ALMS1: variants seen among roughly 807,000 people sequenced by gnomAD.
ALMS1 encodes centrosome-associated protein ALMS1.
ALMS1 carries 271 observed loss-of-function variants against 352.2 expected under a neutral mutation model. That is an observed-to-expected ratio of 0.77 (90% CI 0.70 to 0.85). The LOEUF (loss-of-function observed/expected upper bound fraction) is 0.85. ALMS1 is among the 40% of genes least tolerant of loss of function. The probability of loss-of-function intolerance (pLI) is 0.00; values close to 1 mark genes in which losing one functional copy is unlikely to be tolerated. For missense variants in ALMS1, 5,445 were observed against 4,870.7 expected, an observed-to-expected ratio of 1.12 and a Z score of -3.51; for synonymous variants, 1,865 against 1,761.2, an observed-to-expected ratio of 1.06 and a Z score of -1.48.
At chr2:73,595,138 G>A (rs1307736261) in intron 16 of ALMS1, among the ~76,000 whole-genome samples, 1 of 152,204 alleles carries the variant, frequency 6.6e-6, no homozygotes, top group Non-Finnish European at 1.5e-5. Flanking sequence ...TTGATCAAGA[G>A]TGTCCTTCCT....
intron 21 of ALMS1, chr2:73,603,608 C>G (rs1675749239): frequency 2.7e-6 from 1 of 366,042 alleles, no homozygotes; most frequent in Admixed American, 3.8e-5. Context: ...GCCTGTAATC[C>G]CAGCACTTAG....
intron 2 of ALMS1, among the ~76,000 whole-genome samples, chr2:73,414,473 G>GTTTTTTTTTTTTTTT (rs61660489): frequency 4.5e-5 from 3 of 66,416 alleles, no homozygotes; most frequent in African/African-American, 4.3e-5. Context: ...CTTTTTTTCC[G>GTTTTTTTTTTTTTTT]TTTTTTTTTT....
intron 1 of ALMS1, among the ~76,000 whole-genome samples, chr2:73,406,543 T>G (rs1670977000): frequency 6.6e-6 from 1 of 152,104 alleles, no homozygotes; most frequent in South Asian, 2.1e-4. Flanking sequence ...GGATATATTT[T>G]GATTCTCTTA....
rs201724354 is a variant in ALMS1, at chr2:73,450,210, A to G, written c.3683A>G (p.Lys1228Arg). The change falls in exon 8 of 23, where the codon AAG becomes AGG. Residue 1228 changes from lysine (K) to arginine (R), a missense_variant. Lys to Arg is a conservative substitution (Grantham distance 26, BLOSUM62 2). Transcript: ENST00000613296. ...VSPVLGPADQ[K>R]TGTPTPTSAS... ...CCTGTTCTTGGACCAGCTGACCAGA[A>G]GACTGGGACACCAACTCCAACCTCT... 1.2e-6 allele frequency: 2 copies of G among 1,614,068 alleles called. No individual in the cohort carries two copies. Among genetic ancestry groups the G allele is most frequent in the African/African-American group, 2.7e-5 (2 of 75,028 alleles).
chr2:73,519,470 C>G lies in ALMS1; in HGVS notation c.9540-305C>G, dbSNP rs115031007. On this transcript the variant is annotated intron_variant, in intron 10 of 22. Transcript: ENST00000613296. ...CAGTCCCCTAATTTATGGTGGACAT[C>G]TAGTAATTTAAAAAAATGTATTTTC... is the stretch of plus-strand genomic sequence containing the variant. Among the ~76,000 whole-genome samples the G allele has an allele frequency of 0.014, 2,157 of 152,160 alleles. 46 individuals carry two copies. The highest frequency in any genetic ancestry group is 0.05 in the African/African-American group (2,065 of 41,520).
intron 18 of ALMS1, 82 bp from the exon 19 acceptor site, chr2:73,601,113 A>T: frequency 1.9e-6 from 3 of 1,599,634 alleles, no homozygotes; most frequent in Non-Finnish European, 2.6e-6. Flanking sequence ...AACCTGTATT[A>T]TATGCATATC....
intron 6 of ALMS1, 65 bp from the exon 7 acceptor site, chr2:73,432,133 G>T: frequency 8.4e-7 from 1 of 1,186,808 alleles, no homozygotes; most frequent in Non-Finnish European, 1.3e-6. Flanking sequence ...TCGTAGGTGG[G>T]TCATTCTAAT....
chr2:73,491,612 G>GAAATCACACAGTGGTA, intron 10 of ALMS1, 114 bp downstream of exon 10: 1 of 1,132,078 alleles, frequency 8.8e-7, no homozygotes. Flanking sequence ...TCTGAGTGGA[G>GAAATCACACAGTGGTA]GTTGTGTCTG....
rs911597055 is a variant in ALMS1 at position 73,453,104 on chromosome 2, G to A, written c.6577G>A (p.Glu2193Lys). Residue 2193 changes from glutamate (E) to lysine (K), a missense_variant, in exon 8 of 23, where the codon GAG (glutamate) becomes AAG (lysine). Glu to Lys is a moderately conservative substitution (Grantham distance 56). Coordinates refer to ENST00000613296, the MANE Select transcript of ALMS1 (RefSeq NM_001378454.1). ...TVPSGTYSHG[E>K]NHKLVSEHVQ... ...TCCCTCTGGTACTTACTCACATGGT[G>A]AGAATCACAAGCTTGTTTCAGAACA... The A allele has an allele frequency of 1.5e-5, 25 of 1,613,958 alleles. No homozygotes were observed. Among genetic ancestry groups the A allele is most frequent in the Admixed American group, 6.7e-5 (4 of 59,982 alleles).
intron 12 of ALMS1, among the ~76,000 whole-genome samples, chr2:73,550,041 G>C (rs1372368827): frequency 1.3e-5 from 2 of 152,036 alleles, no homozygotes; most frequent in East Asian, 3.9e-4. Flanking sequence ...TGTATTTTTA[G>C]TAGAAATGGG....
At chr2:73,418,869 T>C (rs1405133963) in intron 2 of ALMS1, among the ~76,000 whole-genome samples, 1 of 152,216 alleles carries the variant, frequency 6.6e-6, no homozygotes, top group Non-Finnish European at 1.5e-5. Context: ...TTGTTTTATA[T>C]ACACTGGCAG....
At chr2:73,522,039 G>T (rs758579400) in intron 11 of ALMS1, among the ~76,000 whole-genome samples, 6 of 148,678 alleles carry the variant, frequency 4.0e-5, no homozygotes, top group Non-Finnish European at 9.0e-5. Flanking sequence ...CCCCTCTCCA[G>T]TGCTTTTTTC....
chr2:73,453,962 C>T lies in ALMS1; in HGVS notation c.7435C>T (p.Leu2479=). 1 of 1,613,648 alleles carries T rather than the reference C, an allele frequency of 6.2e-7. No homozygotes were observed. Among genetic ancestry groups the T allele is most frequent in the Non-Finnish European group, 8.5e-7 (1 of 1,179,914 alleles). ...TGGTGGTGGTAGCAGTGTAGATTCA[C>T]TGGCTGCACATGTGAAAAACCTTCT... ...EDGGGSSVDS[L]AAHVKNLLQC... is the part of the protein sequence containing the mutation. Residue 2479 remains leucine (L), a synonymous_variant, in exon 8 of 23, where the codon CTG becomes TTG. Coordinates refer to ENST00000613296, the MANE Select transcript of ALMS1 (RefSeq NM_001378454.1).
At chr2:73,459,960 C>G (rs1427193061) in intron 9 of ALMS1, among the ~76,000 whole-genome samples, 1 of 152,064 alleles carries the variant, frequency 6.6e-6, no homozygotes, top group African/African-American at 2.4e-5. Flanking sequence ...GGCCTGTTTC[C>G]TTATCTATTA....
intron 10 of ALMS1, among the ~76,000 whole-genome samples, chr2:73,492,134 G>A (rs1673003484): frequency 6.6e-6 from 1 of 152,138 alleles, no homozygotes; most frequent in African/African-American, 2.4e-5. Flanking sequence ...ATATTATTCA[G>A]CCCAATTTTA....
At chr2:73,576,866 C>T (rs1675065446) in intron 16 of ALMS1, among the ~76,000 whole-genome samples, 1 of 151,998 alleles carries the variant, frequency 6.6e-6, no homozygotes, top group Admixed American at 6.6e-5. Flanking sequence ...AGGTGATCCA[C>T]CCCCCTCAGT....
At chr2:73,542,225 A>G (rs532118497) in intron 12 of ALMS1, among the ~76,000 whole-genome samples, 16 of 152,324 alleles carry the variant, frequency 1.1e-4, no homozygotes, top group South Asian at 8.3e-4. Flanking sequence ...TTCGTAAATC[A>G]CTAAATGTAA....
intron 16 of ALMS1, 117 bp downstream of exon 16, chr2:73,573,541 T>TCC: frequency 9.8e-7 from 1 of 1,019,176 alleles, no homozygotes; most frequent in South Asian, 1.4e-5. Flanking sequence ...CTATACCATT[T>TCC]CTTACCAACT....
In ALMS1 at chr2:73,453,659, C is replaced by T. The variant is rs768751472; in HGVS notation, c.7132C>T (p.Leu2378Phe). 5 of 1,614,030 alleles carry T rather than the reference C, an allele frequency of 3.1e-6. No individual in the cohort carries two copies. Among genetic ancestry groups the T allele is most frequent in the Non-Finnish European group, 4.2e-6 (5 of 1,180,004 alleles). The change falls in exon 8 of 23, where the codon CTT becomes TTT. Residue 2378 changes from leucine to phenylalanine, a missense_variant. Leu to Phe is a conservative substitution (Grantham distance 22). Transcript: ENST00000613296. ...AGTCAGTATGGCATTAGAAGAAACT[C>T]TTAGGCAATATCAAGCAGCCAAATC... ...SKVSMALEETLRQYQAAKSVM... is the reference protein window; with the variant it reads ...SKVSMALEETFRQYQAAKSVM...
Sources: gnomAD v4.1 joint callset for allele counts (sites outside exome capture counted in the v4.1 genomes callset) on GRCh38, gnomAD v4.1.1 for gene constraint, MANE v1.5 for transcripts, NCBI Gene and HGNC (gene_info 2026-07-23, HGNC 2026-07-21) for gene names.